The following COLGALT2 variants were observed in gnomAD, a reference collection of about 807,000 sequenced individuals.
COLGALT2 encodes the protein collagen beta(1-O)galactosyltransferase 2.
Under a neutral mutation model 73.4 loss-of-function variants are expected in COLGALT2, and 49 were observed. That is an observed-to-expected ratio of 0.67 (90% CI 0.53 to 0.85). The LOEUF (loss-of-function observed/expected upper bound fraction) is 0.85. COLGALT2 is among the 40% of genes least tolerant of loss of function. The pLI is 0.00. For synonymous variants in COLGALT2, 295 were observed against 307.6 expected (o/e 0.96, Z 0.43); for missense variants, 722 against 790.2 (o/e 0.91, Z 1.03).
Position 184,037,659 on chromosome 1 carries a change from G to T in COLGALT2, c.-302C>A. The T allele has an allele frequency of 9.7e-7, 1 of 1,032,262 alleles. No individual in the cohort carries two copies. The highest frequency in any genetic ancestry group is 1.7e-5 in the African/African-American group (1 of 58,750). 63.9% of individuals were successfully genotyped at this position (1,032,262 alleles called of 1,614,324 possible). On this transcript the variant is annotated 5_prime_UTR_variant, in exon 1 of 12. Coordinates refer to ENST00000361927, the MANE Select transcript of COLGALT2 (RefSeq NM_015101.4). ...GGGGCTGTGTGCCCTGAGTCCTGAG[G>T]AAAGTTCCTCTAGTCCAGGTTCCGC... is the stretch of plus-strand genomic sequence containing the variant.
At chr1:183,951,824 T>C (rs1441306153) in intron 7 of COLGALT2, among the ~76,000 whole-genome samples, 1 of 152,172 alleles carries the variant, frequency 6.6e-6, no homozygotes, top group African/African-American at 2.4e-5. Context: ...AATGACATTT[T>C]TCATAGAACC....
At chr1:183,930,383 A>T (rs1410057273) in intron 11 of COLGALT2, 1 of 423,798 alleles carries the variant, frequency 2.4e-6, no homozygotes, top group East Asian at 7.2e-5. Context: ...ACTAGCCTTG[A>T]TCTTATTTTT....
At chr1:183,961,769 C>T (rs548373857) in intron 6 of COLGALT2, among the ~76,000 whole-genome samples, 15 of 152,250 alleles carry the variant, frequency 9.9e-5, no homozygotes, top group Non-Finnish European at 2.1e-4. Context: ...CAACTACATG[C>T]CACGCACTGT....
intron 1 of COLGALT2, among the ~76,000 whole-genome samples, chr1:184,015,962 G>A (rs978567908): frequency 6.6e-5 from 10 of 152,186 alleles, no homozygotes; most frequent in Non-Finnish European, 1.5e-4. Flanking sequence ...ATATGCTGAA[G>A]AAGTTAAAAT....
In COLGALT2 at chr1:183,937,108, A is replaced by C; in HGVS notation, c.*1653T>G. 8.1e-7 allele frequency: 1 copy of C among 1,230,476 alleles called. No homozygotes were observed. Among genetic ancestry groups the C allele is most frequent in the Non-Finnish European group, 1.0e-6 (1 of 987,702 alleles). 76.2% of individuals were successfully genotyped at this position (1,230,476 alleles called of 1,614,324 possible). ...GTGTCTGGCTTAAAGTGTATCTTAC[A>C]CTCGTACACTAAGCTTGTGTATGTA... is the stretch of plus-strand genomic sequence containing the variant. On this transcript the variant is annotated 3_prime_UTR_variant, in exon 12 of 12. Coordinates refer to ENST00000361927, the MANE Select transcript of COLGALT2 (RefSeq NM_015101.4).
chr1:184,013,710 T>C (rs996452666), intron 1 of COLGALT2, among the ~76,000 whole-genome samples: 1 of 151,786 alleles, frequency 6.6e-6, no homozygotes, highest in East Asian at 1.9e-4. Context: ...AGAAAGGTCA[T>C]GTAGCTTCCA....
intron 8 of COLGALT2, chr1:183,946,425 G>C (rs1476377577): frequency 6.6e-6 from 1 of 152,166 alleles, no homozygotes; most frequent in Non-Finnish European, 1.5e-5. Context: ...AACTTGAGAA[G>C]TCCCTAGTCT....
chr1:183,992,185 T>C (rs578032964), intron 1 of COLGALT2, among the ~76,000 whole-genome samples: 1 of 152,172 alleles, frequency 6.6e-6, no homozygotes, highest in East Asian at 1.9e-4. Context: ...AGGAGGAAAA[T>C]CAGGTCCAGA....
downstream of COLGALT2, among the ~76,000 whole-genome samples, chr1:183,933,000 A>G (rs181125770): frequency 1.9e-3 from 284 of 152,298 alleles, 1 homozygote; most frequent in African/African-American, 6.6e-3. Context: ...GAGATGCTTG[A>G]TTGTGAGTTA....
At chr1:183,959,653 T>A (rs1411797453) in intron 6 of COLGALT2, among the ~76,000 whole-genome samples, 2 of 151,892 alleles carry the variant, frequency 1.3e-5, no homozygotes, top group African/African-American at 2.4e-5. Flanking sequence ...TCCCCTACAA[T>A]CTAGTATCCT....
At chr1:184,021,196 G>GT (rs1184789056) in intron 1 of COLGALT2, among the ~76,000 whole-genome samples, 10 of 152,148 alleles carry the variant, frequency 6.6e-5, no homozygotes, top group African/African-American at 2.4e-4. Context: ...CCAAAACCTT[G>GT]TATTTTTATA....
intron 1 of COLGALT2, among the ~76,000 whole-genome samples, chr1:183,982,664 C>G (rs1446258366): frequency 6.6e-6 from 1 of 152,190 alleles, no homozygotes; most frequent in Admixed American, 6.5e-5. Context: ...CAGTGGCACA[C>G]ACCCTTAGTC....
chr1:183,938,460 T>G lies in COLGALT2; in HGVS notation c.*301A>C. On this transcript the variant is annotated 3_prime_UTR_variant, in exon 12 of 12. Coordinates refer to ENST00000361927, the MANE Select transcript of COLGALT2 (RefSeq NM_015101.4). ...TCTGAGCCATGTTGTTCAACCTTAA[T>G]GTGGGAATCAGTATCACATGAGTAG... 8.4e-7 allele frequency: 1 copy of G among 1,197,318 alleles called. No homozygotes were observed. The highest frequency in any genetic ancestry group is 1.0e-6 in the Non-Finnish European group (1 of 959,386). The allele number at this position is 1,197,318 out of a possible 1,614,324, so 74.2% of individuals were successfully genotyped here. A position where few individuals can be genotyped will look rare whatever the true frequency, so the allele number is the denominator to read the frequency against.
At chr1:184,006,076 T>C (rs186971749) in intron 1 of COLGALT2, among the ~76,000 whole-genome samples, 1 of 152,336 alleles carries the variant, frequency 6.6e-6, no homozygotes, top group Non-Finnish European at 1.5e-5. Flanking sequence ...TTAAACAAAA[T>C]TGGGAGCATA....
intron 7 of COLGALT2, among the ~76,000 whole-genome samples, chr1:183,951,314 T>C (rs1223291590): frequency 6.6e-5 from 10 of 152,228 alleles, no homozygotes; most frequent in Admixed American, 5.9e-4. Flanking sequence ...AAAACTCAAC[T>C]CTTCGTAGTG....
At chr1:183,987,698 C>A (rs184921430) in intron 1 of COLGALT2, among the ~76,000 whole-genome samples, 263 of 152,302 alleles carry the variant, frequency 1.7e-3, no homozygotes, top group African/African-American at 6.0e-3. Flanking sequence ...CCCCATCCAA[C>A]CCAAATGCCT....
In COLGALT2 at chr1:183,944,247, A is replaced by C; in HGVS notation, c.1346T>G (p.Leu449Arg). 6.2e-7 allele frequency: 1 copy of C among 1,614,018 alleles called. No individual in the cohort carries two copies. The highest frequency in any genetic ancestry group is 1.7e-5 in the Admixed American group (1 of 59,994). The change falls in exon 10 of 12, where the codon CTG (leucine) becomes CGG (arginine). Residue 449 changes from leucine to arginine, a missense_variant. By Grantham distance (102) the Leu-to-Arg change is moderately radical (BLOSUM62 -2). Transcript: ENST00000361927. Reference protein sequence around the residue: ...VRFEHQFKKKLMKLMDNIDQA... With the variant: ...VRFEHQFKKKRMKLMDNIDQA... ...GTCAATGTTATCCATCAGCTTCATC[A>C]GCTTCTTCTTAAACTGATGCTCAAA...
rs184095031 is a variant in COLGALT2 at position 184,028,541 on chromosome 1, C to T, written c.263+8554G>A. On this transcript the variant is annotated intron_variant, in intron 1 of 11. Coordinates refer to ENST00000361927, the MANE Select transcript of COLGALT2 (RefSeq NM_015101.4). ...GGCTTGGCAGTCCAAATGGGGAAAG[C>T]TCTATGTAAGGAACCTCCTCTCTGC... Among the ~76,000 whole-genome samples the T allele has an allele frequency of 1.3e-3, 204 of 152,336 alleles. 1 individual carries two copies. The highest frequency in any genetic ancestry group is 4.6e-3 in the African/African-American group (191 of 41,564).
downstream of COLGALT2, among the ~76,000 whole-genome samples, chr1:183,931,282 C>T (rs1669838843): frequency 6.6e-6 from 1 of 152,122 alleles, no homozygotes; most frequent in Admixed American, 6.5e-5. Flanking sequence ...CCATCCCCAG[C>T]CTTCCAGTCA....
Sources: gnomAD v4.1 joint callset for allele counts (sites outside exome capture counted in the v4.1 genomes callset) on GRCh38, gnomAD v4.1.1 for gene constraint, MANE v1.5 for transcripts, NCBI Gene and HGNC (gene_info 2026-07-23, HGNC 2026-07-21) for gene names.